Variants in GOLGA3 observed in about 807,000 individuals in gnomAD.
GOLGA3 encodes golgin A3.
A neutral mutation model predicts 169.4 loss-of-function variants in GOLGA3; 75 were observed. The observed-to-expected ratio is 0.44, with a 90% CI of 0.37 to 0.54. The LOEUF is 0.54. Ranked by LOEUF, GOLGA3 falls within the 20% of genes least tolerant of loss-of-function variation. The pLI, the probability that GOLGA3 is intolerant of heterozygous loss-of-function variation, is 0.00. For missense variants in GOLGA3, 1,899 were observed against 1,930.0 expected, an observed-to-expected ratio of 0.98 and a Z score of 0.30; for synonymous variants, 824 against 822.4, an observed-to-expected ratio of 1.00 and a Z score of -0.03.
chr12:132,824,682 T>C (rs1950340687), intron 1 of GOLGA3, among the ~76,000 whole-genome samples: 1 of 152,208 alleles, frequency 6.6e-6, no homozygotes, highest in African/African-American at 2.4e-5. Flanking sequence ...AATCTCATGT[T>C]TGCGTCTATG....
intron 7 of GOLGA3, among the ~76,000 whole-genome samples, chr12:132,802,451 A>T (rs893269488): frequency 7.1e-6 from 1 of 141,212 alleles, no homozygotes; most frequent in Non-Finnish European, 1.5e-5. Flanking sequence ...ACACAGCGAG[A>T]TCCCCCACCA....
Position 132,796,663 on chromosome 12 carries a change from A to G in GOLGA3, c.1976T>C (p.Ile659Thr). 1 of 1,614,088 alleles carries G rather than the reference A, an allele frequency of 6.2e-7. No homozygotes were observed. Among genetic ancestry groups the G allele is most frequent in the Non-Finnish European group, 8.5e-7 (1 of 1,179,998 alleles). Residue 659 changes from isoleucine to threonine, a missense_variant, in exon 10 of 24, where the codon ATT (isoleucine) becomes ACT (threonine). Coordinates refer to ENST00000450791, the MANE Select transcript of GOLGA3 (RefSeq NM_001389683.1). The part of the protein sequence containing the change: ...MLDQEAAFMQ[I>T]QEAKTMVEED... ...CTCCACCATCGTCTTTGCCTCCTGA[A>G]TCTGCATGAAGGCTGCTTCCTGATC...
intron 1 of GOLGA3, chr12:132,826,272 C>A: frequency 8.9e-7 from 1 of 1,123,378 alleles, no homozygotes; most frequent in Non-Finnish European, 1.2e-6. Flanking sequence ...ACTGGAAGAG[C>A]AGCATCACGG....
At chr12:132,827,332 G>A (rs1158479654) in intron 1 of GOLGA3, among the ~76,000 whole-genome samples, 2 of 152,216 alleles carry the variant, frequency 1.3e-5, no homozygotes, top group African/African-American at 4.8e-5. Context: ...CTGCAGAGAC[G>A]TGAAGGGCAG....
intron 23 of GOLGA3, 56 bp from the exon 24 acceptor site, chr12:132,773,350 C>T (rs1032650700): frequency 1.1e-5 from 13 of 1,152,866 alleles, no homozygotes; most frequent in East Asian, 8.5e-5. Flanking sequence ...AGGCAGAACG[C>T]GCCACCTGTG....
At position 132,777,404 on chromosome 12, in the gene GOLGA3, G is replaced by A. The variant is rs1050570041; in HGVS notation, c.3722+262C>T. Among the ~76,000 whole-genome samples the A allele has an allele frequency of 6.6e-6, 1 of 151,888 alleles. No homozygotes were observed. Among genetic ancestry groups the A allele is most frequent in the African/African-American group, 2.4e-5 (1 of 41,360 alleles). On this transcript the variant is annotated intron_variant, in intron 19 of 23. Coordinates refer to ENST00000450791, the MANE Select transcript of GOLGA3 (RefSeq NM_001389683.1). The surrounding 1 kb of genome is among the most constrained non-coding windows in gnomAD (Gnocchi z 4.7). The stretch of plus-strand genomic sequence containing the variant: ...CACAGAGCCACAGCATCAGCCCCGC[G>A]CCGGGCCGCCCCTTCCCGCCTCTGA...
Position 132,772,985 on chromosome 12 carries a change from G to T in GOLGA3, c.*120C>A. ...CATTCTGCTATATATTTTACTTCTT[G>T]TTAAAGGCAAAACAAAACTTAAATT... On this transcript the variant is annotated 3_prime_UTR_variant, in exon 24 of 24. Transcript: ENST00000450791. 1.4e-6 allele frequency: 1 copy of T among 731,234 alleles called. No homozygotes were observed. Among genetic ancestry groups the T allele is most frequent in the Non-Finnish European group, 2.2e-6 (1 of 457,990 alleles). The allele number at this position is 731,234 out of a possible 1,614,324, so 45.3% of individuals were successfully genotyped here.
In GOLGA3 at chr12:132,782,441, T is replaced by G; in HGVS notation, c.3320A>C (p.Asn1107Thr). Residue 1107 changes from asparagine (N) to threonine (T), a missense_variant, in exon 17 of 24, where the codon AAC becomes ACC. Asn to Thr is a moderately conservative substitution (Grantham distance 65). Transcript: ENST00000450791. ...CTCTAATTCAAGAGCCAACTTCTTG[T>G]TTGACTCCTCAAGGCGTTTTATCTT... The part of the protein sequence containing the change: ...RKKIKRLEES[N>T]KKLALELEHE... The G allele has an allele frequency of 6.2e-7, 1 of 1,614,148 alleles. No homozygotes were observed. The highest frequency in any genetic ancestry group is 8.5e-7 in the Non-Finnish European group (1 of 1,179,974).
intron 8 of GOLGA3, among the ~76,000 whole-genome samples, chr12:132,801,054 T>A (rs1311045573): frequency 6.6e-6 from 1 of 152,212 alleles, no homozygotes; most frequent in African/African-American, 2.4e-5. Context: ...GAGACTCGGA[T>A]CGAGGTTCAC....
At chr12:132,797,179 C>T (rs917702656) in intron 9 of GOLGA3, among the ~76,000 whole-genome samples, 7 of 152,198 alleles carry the variant, frequency 4.6e-5, no homozygotes, top group East Asian at 1.9e-4. Flanking sequence ...CTATGGCTGA[C>T]GCAACGTGAT....
At position 132,808,227 on chromosome 12, in the gene GOLGA3, G is replaced by A. The variant is rs760176979; in HGVS notation, c.842C>T (p.Ala281Val). The change falls in exon 5 of 24, where the codon GCG becomes GTG. Residue 281 changes from alanine (A) to valine (V), a missense_variant. Coordinates refer to ENST00000450791, the MANE Select transcript of GOLGA3 (RefSeq NM_001389683.1). ...CAGGCTGATCTCAGACACAACGGAC[G>A]CCGCACTGCTTCTGTTCTGCTTCAG... ...GSLKQNRSSA[A>V]SVVSEISLSP... 15 of 1,613,870 alleles carry A rather than the reference G, an allele frequency of 9.3e-6. No individual in the cohort carries two copies. In the East Asian group the frequency reaches 1.1e-4, roughly 12 times the overall value.
At chr12:132,809,720 T>C (rs1348397220) in intron 4 of GOLGA3, among the ~76,000 whole-genome samples, 1 of 148,458 alleles carries the variant, frequency 6.7e-6, no homozygotes, top group Non-Finnish European at 1.5e-5. Flanking sequence ...TATCATAATA[T>C]TGGAATAAAA....
chr12:132,790,126 T>C (rs1021616425), intron 12 of GOLGA3, among the ~76,000 whole-genome samples: 1 of 151,808 alleles, frequency 6.6e-6, no homozygotes, highest in African/African-American at 2.4e-5. Context: ...GGTCAGGAGA[T>C]TGAGACCATC....
At chr12:132,785,853 A>G (rs942576363) in intron 15 of GOLGA3, among the ~76,000 whole-genome samples, 1 of 152,230 alleles carries the variant, frequency 6.6e-6, no homozygotes, top group African/African-American at 2.4e-5. Context: ...GGCTCTGCTC[A>G]GAGCCCTCCA....
At position 132,786,344 on chromosome 12, in the gene GOLGA3, G is replaced by A; in HGVS notation, c.3118C>T (p.Leu1040=). ...GATGGCACGGTGTTACCTACATGTA[G>A]AGCCAGGCTGCTGTCACTGCTGCCA... is the stretch of plus-strand genomic sequence containing the variant. The part of the protein sequence containing the change: ...QGGSSDSSLA[L]HERIQALEAE... Residue 1040 remains leucine (L), a synonymous_variant, in exon 15 of 24, where the codon CTA becomes TTA. Transcript: ENST00000450791. 6.3e-7 allele frequency: 1 copy of A among 1,597,612 alleles called. No homozygotes were observed.
chr12:132,794,104 G>C (rs1012157489), intron 11 of GOLGA3, among the ~76,000 whole-genome samples: 1 of 152,108 alleles, frequency 6.6e-6, no homozygotes, highest in Non-Finnish European at 1.5e-5. Context: ...ACCTGCCCCT[G>C]GTCCCACAGC....
At chr12:132,779,400 A>G (rs2045423956) in intron 18 of GOLGA3, among the ~76,000 whole-genome samples, 1 of 152,204 alleles carries the variant, frequency 6.6e-6, no homozygotes, top group Non-Finnish European at 1.5e-5. Context: ...CTTAAAATTA[A>G]TTCTATTTAT....
At position 132,777,325 on chromosome 12, in the gene GOLGA3, C is replaced by A. The variant is rs1593228079; in HGVS notation, c.3723-235G>T. Among the ~76,000 whole-genome samples, 1 of 152,164 alleles carries A rather than the reference C, an allele frequency of 6.6e-6. No individual in the cohort carries two copies. The highest frequency in any genetic ancestry group is 1.5e-5 in the Non-Finnish European group (1 of 68,028). On this transcript the variant is annotated intron_variant, in intron 19 of 23. Transcript: ENST00000450791. This position sits in a 1 kb window ranked among gnomAD's most constrained non-coding sequence, Gnocchi z 4.7. ...AGATCCCAGAGACTCACTTTGCCGG[C>A]ACCCCTCACAGATCCCAGAGAGTGC...
At chr12:132,805,265 G>A (rs1466617098) in intron 6 of GOLGA3, among the ~76,000 whole-genome samples, 1 of 123,388 alleles carries the variant, frequency 8.1e-6, no homozygotes, top group Non-Finnish European at 1.7e-5. Context: ...AAGACCCCCA[G>A]GCGCTCTCCC....
Sources: gnomAD v4.1 joint callset for allele counts (sites outside exome capture counted in the v4.1 genomes callset) on GRCh38, gnomAD v4.1.1 for gene constraint, Gnocchi (gnomAD v3.1) non-coding constraint, MANE v1.5 for transcripts, NCBI Gene and HGNC (gene_info 2026-07-23, HGNC 2026-07-21) for gene names.